The following SLCO1A2 variants were observed in gnomAD, a reference collection of about 807,000 sequenced individuals.
SLCO1A2 encodes the protein solute carrier organic anion transporter family member 1A2, also known as OATP-1.
A neutral mutation model predicts 69.0 loss-of-function variants in SLCO1A2; 67 were observed. The observed-to-expected ratio is 0.97, with a 90% CI of 0.80 to 1.19. SLCO1A2 has a LOEUF of 1.19. Ranked by LOEUF, SLCO1A2 falls within the 50% of genes most tolerant of loss-of-function variation. The pLI is 0.00. For synonymous variants in SLCO1A2, 260 were observed against 265.9 expected, an observed-to-expected ratio of 0.98 and a Z score of 0.22; for missense variants, 787 against 793.7, an observed-to-expected ratio of 0.99 and a Z score of 0.10.
In SLCO1A2 at chr12:21,306,622, C is replaced by T. The variant is rs140115301; in HGVS notation, c.442+260G>A. Among the ~76,000 whole-genome samples, 845 of 152,226 alleles carry T rather than the reference C, an allele frequency of 5.6e-3. 8 individuals carry two copies. The highest frequency in any genetic ancestry group is 0.018 in the African/African-American group (735 of 41,522). ...GATTACAGGCGTGAGCCACTGCACC[C>T]GGCCCTTTGACTCATTTTTAGATAA... On this transcript the variant is annotated intron_variant, in intron 5 of 14. Coordinates refer to ENST00000683939, the MANE Select transcript of SLCO1A2 (RefSeq NM_001386879.1).
intron 6 of SLCO1A2, among the ~76,000 whole-genome samples, chr12:21,301,479 T>C (rs1277174510): frequency 1.3e-5 from 2 of 152,130 alleles, no homozygotes; most frequent in African/African-American, 4.8e-5. Flanking sequence ...AAAGCCACTT[T>C]CCCTGGCCTC....
Position 21,274,483 on chromosome 12 carries a change from A to G in SLCO1A2, c.1779T>C (p.Asp593=). 5 of 1,606,888 alleles carry G rather than the reference A, an allele frequency of 3.1e-6. No individual in the cohort carries two copies. In the South Asian group the frequency reaches 5.5e-5, roughly 18 times the overall value. The change falls in exon 14 of 15, where the codon GAT becomes GAC. Residue 593 remains aspartate (D), a synonymous_variant. Coordinates refer to ENST00000683939, the MANE Select transcript of SLCO1A2 (RefSeq NM_001386879.1). ...ATTATCTTTACCTGAAGGTGGTGGAATCATATATCCTGCATGCCCCTGACT... is the reference window on the plus strand; with the variant it reads ...ATTATCTTTACCTGAAGGTGGTGGAGTCATATATCCTGCATGCCCCTGACT... ...CGESGACRIY[D]STTFRYIYLG... is the part of the protein sequence containing the mutation.
In SLCO1A2 at chr12:21,291,692, C is replaced by G. The variant is rs148141217; in HGVS notation, c.1610+472G>C. On this transcript the variant is annotated intron_variant, in intron 12 of 14. Transcript: ENST00000683939. ...TCTCACAGTAGCCTTGTAAGAGAGC[C>G]AAGTATTTATTATTATGCCCATTAT... Among the ~76,000 whole-genome samples, 1,176 of 152,054 alleles carry G rather than the reference C, an allele frequency of 7.7e-3. 12 individuals carry two copies. Among genetic ancestry groups the G allele is most frequent in the Non-Finnish European group, 0.011 (754 of 67,996 alleles).
chr12:21,402,857 A>G (rs1364040671), intron 1 of SLCO1A2, among the ~76,000 whole-genome samples: 4 of 152,190 alleles, frequency 2.6e-5, no homozygotes, highest in Non-Finnish European at 1.5e-5. Flanking sequence ...TGACTTTTTT[A>G]TATACTCTTC....
At chr12:21,398,473 T>C (rs1360122680), upstream of SLCO1A2, among the ~76,000 whole-genome samples, 1 of 146,934 alleles carries the variant, frequency 6.8e-6, no homozygotes, top group African/African-American at 2.5e-5. Context: ...CCATTCCTTC[T>C]GAAACTATTC....
chr12:21,300,052 G>A lies in SLCO1A2; in HGVS notation c.910+296C>T, dbSNP rs568953058. On this transcript the variant is annotated intron_variant, in intron 8 of 14. Coordinates refer to ENST00000683939, the MANE Select transcript of SLCO1A2 (RefSeq NM_001386879.1). ...TATGTGTGTATATATATATGTGTGT[G>A]TACATATATATGTGTGTGTATATAT... Among the ~76,000 whole-genome samples, 3 of 150,500 alleles carry A rather than the reference G, an allele frequency of 2.0e-5. No homozygotes were observed. The East Asian group carries it at 5.8e-4, about 29-fold the overall frequency.
At chr12:21,304,096 G>C (rs1013475485) in intron 6 of SLCO1A2, among the ~76,000 whole-genome samples, 43 of 152,136 alleles carry the variant, frequency 2.8e-4, no homozygotes, top group African/African-American at 9.7e-4. Context: ...TAGCGAGAAA[G>C]GTTTTGAATG....
chr12:21,270,338 A>C (rs1157415957), intron 14 of SLCO1A2, among the ~76,000 whole-genome samples: 2 of 151,774 alleles, frequency 1.3e-5, no homozygotes, highest in African/African-American at 4.8e-5. Flanking sequence ...ATTTTCTGAT[A>C]TTGACCTATC....
At position 21,266,382 on chromosome 12, in the gene SLCO1A2, T is replaced by C. The variant is rs532386401; in HGVS notation, c.*3166A>G. 6.6e-6 allele frequency: 1 copy of C among 152,258 alleles called. No homozygotes were observed. The highest frequency in any genetic ancestry group is 1.5e-5 in the Non-Finnish European group (1 of 68,020). 9.4% of individuals were successfully genotyped at this position (152,258 alleles called of 1,614,324 possible). A position where few individuals can be genotyped will look rare whatever the true frequency, so the allele number is the denominator to read the frequency against. On this transcript the variant is annotated 3_prime_UTR_variant, in exon 15 of 15. Coordinates refer to ENST00000683939, the MANE Select transcript of SLCO1A2 (RefSeq NM_001386879.1). ...TCCCTAGTGTCCTTCCAGAGACTGATTAAAAGGCTTTTCTAATATACCAGA... is the reference window on the plus strand; with the variant it reads ...TCCCTAGTGTCCTTCCAGAGACTGACTAAAAGGCTTTTCTAATATACCAGA...
intron 2 of SLCO1A2, among the ~76,000 whole-genome samples, chr12:21,363,042 G>T (rs1939056827): frequency 1.3e-5 from 2 of 152,168 alleles, no homozygotes; most frequent in Non-Finnish European, 1.5e-5. Context: ...GCACCAAGCG[G>T]ACCTAATAGA....
intron 2 of SLCO1A2, among the ~76,000 whole-genome samples, chr12:21,352,840 G>T (rs766649339): frequency 5.9e-5 from 9 of 152,278 alleles, no homozygotes; most frequent in Non-Finnish European, 1.2e-4. Context: ...AAGTACATAA[G>T]GTGTATGCAA....
chr12:21,346,106 A>G (rs1953242899), intron 2 of SLCO1A2, among the ~76,000 whole-genome samples: 1 of 152,130 alleles, frequency 6.6e-6, no homozygotes, highest in Non-Finnish European at 1.5e-5. Context: ...TATGAAGAAT[A>G]TATTCATGCT....
chr12:21,303,097 T>C (rs1948920423), intron 6 of SLCO1A2, among the ~76,000 whole-genome samples: 1 of 151,952 alleles, frequency 6.6e-6, no homozygotes, highest in African/African-American at 2.4e-5. Context: ...TATTTGGTTA[T>C]GGATACACAC....
chr12:21,391,542 C>T (rs1941152737), intron 1 of SLCO1A2, among the ~76,000 whole-genome samples: 1 of 152,102 alleles, frequency 6.6e-6, no homozygotes, highest in African/African-American at 2.4e-5. Context: ...TACTGTTGTA[C>T]TCCCAAGGAA....
At chr12:21,280,996 T>TG (rs1189614282) in intron 12 of SLCO1A2, among the ~76,000 whole-genome samples, 1 of 151,956 alleles carries the variant, frequency 6.6e-6, no homozygotes, top group African/African-American at 2.4e-5. Context: ...GAATGACCAG[T>TG]GGGTCAATGA....
chr12:21,403,326 C>T (rs1291598568), intron 1 of SLCO1A2: 2 of 152,216 alleles, frequency 1.3e-5, no homozygotes, highest in South Asian at 2.1e-4. Flanking sequence ...GAATCTTATA[C>T]TTATAACTAA....
At chr12:21,323,970 C>G (rs1013339526) in intron 2 of SLCO1A2, among the ~76,000 whole-genome samples, 2 of 152,102 alleles carry the variant, frequency 1.3e-5, no homozygotes, top group Non-Finnish European at 2.9e-5. Flanking sequence ...AAAAACAGAT[C>G]GGGCTCAGTG....
Position 21,407,576 on chromosome 12 carries a change from G to C in SLCO1A2, c.-312+10306C>G, listed in dbSNP as rs527799103. On this transcript the variant is annotated intron_variant, in intron 1 of 4. Transcript: ENST00000413682. ...AGCACTTTGGGAGGCCAAGGCAGAC[G>C]AATCACTTGAGCTCAGGAGTTCAAG... 2.0e-5 allele frequency among the ~76,000 whole-genome samples: 3 copies of C among 152,254 alleles called. No individual in the cohort carries two copies. In the East Asian group the frequency reaches 5.8e-4, roughly 29 times the overall value.
intron 2 of SLCO1A2, among the ~76,000 whole-genome samples, chr12:21,347,669 AAAGGAAGGAAGG>A (rs147886864): frequency 3.5e-5 from 4 of 113,422 alleles, no homozygotes; most frequent in African/African-American, 1.6e-4. Context: ...AGAAAGAAAG[AAAGGAAGGAAGG>A]AAGGAAGGAA....
Sources: allele counts gnomAD v4.1 joint callset (sites outside exome capture counted in the v4.1 genomes callset), GRCh38; gene constraint gnomAD v4.1.1; transcripts MANE v1.5; gene names NCBI Gene and HGNC (gene_info 2026-07-23, HGNC 2026-07-21).